The following GRIK5 variants were observed in gnomAD, a reference collection of about 807,000 sequenced individuals.
GRIK5 encodes the protein glutamate ionotropic receptor kainate type subunit 5, also known as glutamate receptor ionotropic, kainate 5.
In GRIK5, 43 loss-of-function variants were observed where a neutral mutation model predicts 97.4. That is an observed-to-expected ratio of 0.44 (90% CI 0.35 to 0.57). The LOEUF (loss-of-function observed/expected upper bound fraction) is 0.57. Ranked by LOEUF, GRIK5 falls within the 20% of genes least tolerant of loss-of-function variation. GRIK5 has a pLI of 0.01. For synonymous variants in GRIK5, 580 were observed against 583.5 expected (o/e 0.99, Z 0.09); for missense variants, 1,015 against 1,382.0 (o/e 0.73, Z 4.21).
chr19:42,062,642 G>C lies in GRIK5; in HGVS notation c.354C>G (p.Ile118Met), dbSNP rs775360144. 6.2e-6 allele frequency: 10 copies of C among 1,614,104 alleles called. 1 individual carries two copies. In the South Asian group the frequency reaches 9.9e-5, roughly 16 times the overall value. Residue 118 changes from isoleucine (I) to methionine (M), a missense_variant, in exon 5 of 20, where the codon ATC (isoleucine) becomes ATG (methionine). Transcript: ENST00000593562. The surrounding 1 kb of genome is among the most constrained non-coding windows in gnomAD (Gnocchi z 5.3). ...HICGEKEIPH[I>M]KVGPEETPRL... ...GGGGTGTCTCCTCGGGACCCACCTT[G>C]ATGTGGGGGATCTGGACAGAGAGGA...
chr19:42,067,255 G>A (rs2076347238), intron 1 of GRIK5, among the ~76,000 whole-genome samples: 1 of 152,198 alleles, frequency 6.6e-6, no homozygotes, highest in African/African-American at 2.4e-5. Context: ...AACTTCGAGG[G>A]AAGGATAGAG....
chr19:42,023,046 A>C (rs1430304242), intron 12 of GRIK5, among the ~76,000 whole-genome samples: 1 of 152,040 alleles, frequency 6.6e-6, no homozygotes, highest in African/African-American at 2.4e-5. Flanking sequence ...GCACAGGCAC[A>C]AATGATAACC....
intron 1 of GRIK5, among the ~76,000 whole-genome samples, chr19:42,067,700 A>G (rs1169654364): frequency 6.6e-6 from 1 of 152,168 alleles, no homozygotes; most frequent in Non-Finnish European, 1.5e-5. Flanking sequence ...ACAGAGAAAG[A>G]CAGGGTTGAG....
At chr19:42,055,650 G>A (rs1295482066) in intron 8 of GRIK5, among the ~76,000 whole-genome samples, 3 of 152,082 alleles carry the variant, frequency 2.0e-5, no homozygotes, top group African/African-American at 7.2e-5. Context: ...AAAAAGACAA[G>A]GCAGGGAGGG....
intron 11 of GRIK5, among the ~76,000 whole-genome samples, chr19:42,052,833 G>T (rs1460177150): frequency 2.0e-5 from 3 of 152,196 alleles, no homozygotes; most frequent in African/African-American, 7.2e-5. Flanking sequence ...TCAGCATGGT[G>T]CAGCAGAGAG....
intron 12 of GRIK5, among the ~76,000 whole-genome samples, chr19:42,031,914 C>G (rs978230307): frequency 6.6e-6 from 1 of 152,182 alleles, no homozygotes; most frequent in Non-Finnish European, 1.5e-5. Context: ...GGGTGAACCA[C>G]TTGAGCCCAG....
rs1008737413 is a variant in GRIK5 at position 42,022,476 on chromosome 19, G to A, written c.1474-122C>T. 1.5e-5 allele frequency: 22 copies of A among 1,479,380 alleles called. 1 individual carries two copies. The South Asian group carries it at 2.7e-4, about 18-fold the overall frequency. The allele number at this position is 1,479,380 out of a possible 1,614,324, so 91.6% of individuals were successfully genotyped here. A position where few individuals can be genotyped will look rare whatever the true frequency, so the allele number is the denominator to read the frequency against. On this transcript the variant is annotated intron_variant, in intron 12 of 19. Coordinates refer to ENST00000593562, the MANE Select transcript of GRIK5 (RefSeq NM_002088.5). The surrounding 1 kb of genome is among the most constrained non-coding windows in gnomAD (Gnocchi z 4.2). Reference sequence around the variant, plus strand: ...GAGGCGAGAGAGAGAGAGGTAGGGAGGGGGAGGGGCCAGGAGCATGGACTG... The same window carrying A: ...GAGGCGAGAGAGAGAGAGGTAGGGAAGGGGAGGGGCCAGGAGCATGGACTG...
At chr19:42,043,540 T>C (rs938931892) in intron 11 of GRIK5, among the ~76,000 whole-genome samples, 1 of 151,810 alleles carries the variant, frequency 6.6e-6, no homozygotes, top group African/African-American at 2.4e-5. Flanking sequence ...CCAAGTAGCT[T>C]GGATTACAGG....
At chr19:42,046,393 A>G (rs2076043613) in intron 11 of GRIK5, among the ~76,000 whole-genome samples, 1 of 152,206 alleles carries the variant, frequency 6.6e-6, no homozygotes, top group Non-Finnish European at 1.5e-5. Context: ...CCTCAAATCC[A>G]GGGTCTTCAG....
chr19:42,027,799 C>T (rs143045332), intron 12 of GRIK5, among the ~76,000 whole-genome samples: 8 of 152,250 alleles, frequency 5.3e-5, no homozygotes, highest in Non-Finnish European at 1.0e-4. Flanking sequence ...CCTCCTCCTA[C>T]TCACTTTTCA....
rs567008710 is a variant in GRIK5, at chr19:42,053,909, G to A, written c.1077C>T (p.Thr359=). The A allele has an allele frequency of 2.0e-5, 32 of 1,613,522 alleles. No individual in the cohort carries two copies. In the African/African-American group the frequency reaches 2.0e-4, roughly 10 times the overall value. The change falls in exon 10 of 20, where the codon ACC becomes ACT. Residue 359 remains threonine (T), a synonymous_variant. Coordinates refer to ENST00000593562, the MANE Select transcript of GRIK5 (RefSeq NM_002088.5). Reference sequence around the variant, plus strand: ...CTTTGCTGTTGAACTCGACCCGCCCGGTCAGCCCATCATACTCTACCTGGC... The same window carrying A: ...CTTTGCTGTTGAACTCGACCCGCCCAGTCAGCCCATCATACTCTACCTGGC... ...YLRMVEYDGL[T]GRVEFNSKGQ... is the part of the protein sequence containing the mutation.
Position 42,021,719 on chromosome 19 carries a change from C to T in GRIK5, c.1697+228G>A, listed in dbSNP as rs895909833. ...AGGGAGGAGGCAAAAAAGGGAGAGG[C>T]GGGAAGGGGAGAGACCTGAACAGAG... On this transcript the variant is annotated intron_variant, in intron 14 of 19. Coordinates refer to ENST00000593562, the MANE Select transcript of GRIK5 (RefSeq NM_002088.5). This position sits in a 1 kb window ranked among gnomAD's most constrained non-coding sequence, Gnocchi z 4.2. Among the ~76,000 whole-genome samples, 5 of 151,728 alleles carry T rather than the reference C, an allele frequency of 3.3e-5. No individual in the cohort carries two copies. The highest frequency in any genetic ancestry group is 7.3e-5 in the African/African-American group (3 of 41,268).
At position 42,056,785 on chromosome 19, in the gene GRIK5, G is replaced by C; in HGVS notation, c.780C>G (p.Asp260Glu). The C allele has an allele frequency of 6.2e-7, 1 of 1,614,122 alleles. No individual in the cohort carries two copies. The highest frequency in any genetic ancestry group is 1.1e-5 in the South Asian group (1 of 91,078). ...TGGAGAAGCCCAGGATGTTGGAGGA[G>C]TCCTCCACAATACCGTCCAGATGCA... ...PILHLDGIVE[D>E]SSNILGFSMF... Residue 260 changes from aspartate (D) to glutamate (E), a missense_variant, in exon 8 of 20, where the codon GAC (aspartate) becomes GAG (glutamate). Around this residue, in one of 5 missense-constraint regions of GRIK5, gnomAD observed 477 missense variants for 701.1 expected, o/e 0.68. Transcript: ENST00000593562.
chr19:42,045,348 C>T (rs748327089), intron 11 of GRIK5, among the ~76,000 whole-genome samples: 1 of 152,190 alleles, frequency 6.6e-6, no homozygotes, highest in Non-Finnish European at 1.5e-5. Flanking sequence ...GGCTGGCCTG[C>T]TGGAGGGTGA....
intron 5 of GRIK5, among the ~76,000 whole-genome samples, chr19:42,061,308 T>C (rs968601953): frequency 3.9e-5 from 6 of 152,306 alleles, no homozygotes; most frequent in African/African-American, 1.4e-4. Context: ...CCTCCCAAAG[T>C]GCTGGGATTA....
chr19:42,035,543 C>T (rs1360799938), intron 12 of GRIK5, among the ~76,000 whole-genome samples: 1 of 151,822 alleles, frequency 6.6e-6, no homozygotes, highest in African/African-American at 2.4e-5. Context: ...CCCATCTCTA[C>T]TAAACAATAC....
In GRIK5 at chr19:42,006,543, A is replaced by T; in HGVS notation, c.2037+102T>A. 1 of 994,094 alleles carries T rather than the reference A, an allele frequency of 1.0e-6. No individual in the cohort carries two copies. The highest frequency in any genetic ancestry group is 1.5e-6 in the Non-Finnish European group (1 of 652,176). The allele number at this position is 994,094 out of a possible 1,614,324, so 61.6% of individuals were successfully genotyped here. A position where few individuals can be genotyped will look rare whatever the true frequency, so the allele number is the denominator to read the frequency against. ...CCCCAGCCTCCAGGCTGTCACTGAC[A>T]ATCAGTCCCTCTGACCCAGGAGACC... On this transcript the variant is annotated intron_variant, in intron 16 of 19. Coordinates refer to ENST00000593562, the MANE Select transcript of GRIK5 (RefSeq NM_002088.5). The surrounding 1 kb of genome is among the most constrained non-coding windows in gnomAD (Gnocchi z 5.3).
intron 15 of GRIK5, among the ~76,000 whole-genome samples, chr19:42,010,955 A>G (rs540619236): frequency 6.6e-6 from 1 of 152,122 alleles, no homozygotes; most frequent in East Asian, 2.0e-4. Context: ...ACAGGCATGC[A>G]TCACCATGCC....
At chr19:42,054,537 G>A in intron 8 of GRIK5, 65 bp from the exon 9 acceptor site, 3 of 1,566,212 alleles carry the variant, frequency 1.9e-6, no homozygotes, top group Non-Finnish European at 2.6e-6. Context: ...AGCCCCAAAG[G>A]CCCCTGAGCT....
Sources: allele counts gnomAD v4.1 joint callset (sites outside exome capture counted in the v4.1 genomes callset), GRCh38; gene constraint gnomAD v4.1.1; regional missense constraint gnomAD v4.1.1; non-coding constraint Gnocchi (gnomAD v3.1); transcripts MANE v1.5; gene names NCBI Gene and HGNC (gene_info 2026-07-23, HGNC 2026-07-21).